NRXN3: variants seen among roughly 807,000 people sequenced by gnomAD.
NRXN3 encodes the protein neurexin III.
A neutral mutation model predicts 137.6 loss-of-function variants in NRXN3; 32 were observed. The observed-to-expected ratio is 0.23, with a 90% CI of 0.18 to 0.31. The LOEUF is 0.31. NRXN3 is among the 10% of genes least tolerant of loss of function. The pLI, the probability that NRXN3 is intolerant of heterozygous loss-of-function variation, is 1.00. For missense variants in NRXN3, 1,574 were observed against 2,062.5 expected, an observed-to-expected ratio of 0.76 and a Z score of 4.59; for synonymous variants, 798 against 784.5, an observed-to-expected ratio of 1.02 and a Z score of -0.29.
intron 4 of NRXN3, among the ~76,000 whole-genome samples, chr14:78,387,414 T>A (rs2090131241): frequency 6.6e-6 from 1 of 152,188 alleles, no homozygotes; most frequent in South Asian, 2.1e-4. Flanking sequence ...TGGGGTGACC[T>A]TAAATAAGTG....
At chr14:79,279,835 T>C in intron 15 of NRXN3, 11 of 996,638 alleles carry the variant, frequency 1.1e-5, no homozygotes, top group Non-Finnish European at 1.3e-5. Context: ...ACTCCTTGGA[T>C]GTTGGGATAA....
chr14:79,281,200 G>A (rs556155422), intron 15 of NRXN3, among the ~76,000 whole-genome samples: 2 of 152,302 alleles, frequency 1.3e-5, no homozygotes, highest in East Asian at 3.9e-4. Context: ...GAAGCAATAT[G>A]TAAGATAAGG....
chr14:79,537,878 C>T (rs2097228513), intron 16 of NRXN3, among the ~76,000 whole-genome samples: 1 of 152,172 alleles, frequency 6.6e-6, no homozygotes, highest in African/African-American at 2.4e-5. Context: ...CTGACTTCCA[C>T]AATGGTTGAA....
chr14:79,141,175 A>T (rs946840393), intron 15 of NRXN3, among the ~76,000 whole-genome samples: 3 of 152,174 alleles, frequency 2.0e-5, no homozygotes, highest in African/African-American at 7.2e-5. Flanking sequence ...ATGATATGAC[A>T]ACACAGCTCA....
At chr14:79,026,493 A>G (rs2099598232) in intron 15 of NRXN3, among the ~76,000 whole-genome samples, 1 of 152,116 alleles carries the variant, frequency 6.6e-6, no homozygotes, top group Admixed American at 6.5e-5. Flanking sequence ...AGAAAATCCT[A>G]AAAACAATAA....
chr14:79,663,985 G>T, intron 17 of NRXN3, 36 bp downstream of exon 17: 1 of 1,604,084 alleles, frequency 6.2e-7, no homozygotes, highest in South Asian at 1.1e-5. Context: ...TACTCTTTTT[G>T]ACTCTCCCAT....
Position 78,465,839 on chromosome 14 carries a change from AT to A in NRXN3, c.757+167986del, listed in dbSNP as rs1008710340. Among the ~76,000 whole-genome samples, 17 of 146,206 alleles carry A rather than the reference AT, an allele frequency of 1.2e-4. No homozygotes were observed. The South Asian group carries it at 1.7e-3, about 15-fold the overall frequency. On this transcript the variant is annotated intron_variant, in intron 4 of 20. Transcript: ENST00000335750. ...TGAGCCACCGCGCCCGGCCTAAGGT[AT>A]TTTTTTAAATTTTTATTTATTTATT...
intron 4 of NRXN3, among the ~76,000 whole-genome samples, chr14:78,346,571 CACACAGAGA>C (rs1306490803): frequency 6.6e-6 from 1 of 152,190 alleles, no homozygotes; most frequent in Non-Finnish European, 1.5e-5. Context: ...GGCTTACATT[CACACAGAGA>C]ACACAATACA....
At chr14:78,616,846 A>G (rs941914417) in intron 4 of NRXN3, among the ~76,000 whole-genome samples, 5 of 152,226 alleles carry the variant, frequency 3.3e-5, no homozygotes, top group Admixed American at 2.6e-4. Flanking sequence ...GGGCTCAATA[A>G]ATGTTTGAAT....
chr14:79,337,297 A>G (rs1051779877), intron 15 of NRXN3, among the ~76,000 whole-genome samples: 1 of 152,224 alleles, frequency 6.6e-6, no homozygotes, highest in Non-Finnish European at 1.5e-5. Context: ...AACATGGCAG[A>G]GTTCTGACTA....
chr14:79,639,570 G>T (rs1355312891), intron 16 of NRXN3, among the ~76,000 whole-genome samples: 1 of 152,078 alleles, frequency 6.6e-6, no homozygotes, highest in Non-Finnish European at 1.5e-5. Context: ...TTCAGTGAAG[G>T]GTTGAAGGGA....
chr14:79,217,482 C>T (rs1456761468), intron 15 of NRXN3, among the ~76,000 whole-genome samples: 1 of 152,088 alleles, frequency 6.6e-6, no homozygotes, highest in Non-Finnish European at 1.5e-5. Flanking sequence ...TACATTTCAA[C>T]ATGAGATTTG....
intron 4 of NRXN3, among the ~76,000 whole-genome samples, chr14:78,342,167 A>G (rs990195493): frequency 2.0e-5 from 3 of 152,194 alleles, no homozygotes; most frequent in Non-Finnish European, 4.4e-5. Context: ...AGGGAGAGAG[A>G]TGTCACTGAG....
chr14:79,343,205 T>C (rs1051623210), intron 15 of NRXN3, among the ~76,000 whole-genome samples: 1 of 152,154 alleles, frequency 6.6e-6, no homozygotes, highest in African/African-American at 2.4e-5. Context: ...TCCTAAACCA[T>C]AATTGCTCAT....
At position 79,861,961 on chromosome 14, in the gene NRXN3, G is replaced by A; in HGVS notation, c.4713G>A (p.Val1571=). The A allele has an allele frequency of 4.3e-6, 7 of 1,610,174 alleles. No individual in the cohort carries two copies. The highest frequency in any genetic ancestry group is 5.9e-6 in the Non-Finnish European group (7 of 1,177,772). Residue 1571 remains valine (V), a synonymous_variant, in exon 21 of 21, where the codon GTG becomes GTA. Coordinates refer to ENST00000335750, the MANE Select transcript of NRXN3 (RefSeq NM_001330195.2). This position sits in a 1 kb window ranked among gnomAD's most constrained non-coding sequence, Gnocchi z 5.4. The stretch of plus-strand genomic sequence containing the variant: ...AAAACAAGGACAGGGAGTATTACGT[G>A]TAAACATGCGAACACTGCTCACACG... ...KQKNKDREYY[V]
chr14:78,295,559 A>C (rs1395440143), intron 3 of NRXN3, among the ~76,000 whole-genome samples: 2 of 152,116 alleles, frequency 1.3e-5, no homozygotes, highest in Non-Finnish European at 2.9e-5. Flanking sequence ...ATATGATTTA[A>C]TTTACCAAAA....
At chr14:79,406,226 C>T (rs992743866) in intron 15 of NRXN3, among the ~76,000 whole-genome samples, 1 of 151,784 alleles carries the variant, frequency 6.6e-6, no homozygotes, top group Non-Finnish European at 1.5e-5. Context: ...TCAAGATCAT[C>T]CTTTAGACAT....
chr14:79,450,381 T>A (rs758350333), intron 15 of NRXN3, among the ~76,000 whole-genome samples: 58 of 152,160 alleles, frequency 3.8e-4, no homozygotes, highest in Non-Finnish European at 6.9e-4. Flanking sequence ...TGACTACAGC[T>A]AATAATAATG....
chr14:79,864,063 A>G lies in NRXN3; in HGVS notation c.*2099A>G, dbSNP rs368309201. Reference sequence around the variant, plus strand: ...AAGAGATATCAAAGCACGATTTTAGATAACCTAAACGGCCCAGCCTATACG... The same window carrying G: ...AAGAGATATCAAAGCACGATTTTAGGTAACCTAAACGGCCCAGCCTATACG... On this transcript the variant is annotated 3_prime_UTR_variant, in exon 21 of 21. Transcript: ENST00000335750. 14 of 152,780 alleles carry G rather than the reference A, an allele frequency of 9.2e-5. 1 individual carries two copies. In the East Asian group the frequency reaches 1.2e-3, roughly 13 times the overall value. 9.5% of individuals were successfully genotyped at this position (152,780 alleles called of 1,614,324 possible). A position where few individuals can be genotyped will look rare whatever the true frequency, so the allele number is the denominator to read the frequency against.
Sources: gnomAD v4.1 joint callset for allele counts (sites outside exome capture counted in the v4.1 genomes callset) on GRCh38, gnomAD v4.1.1 for gene constraint, Gnocchi (gnomAD v3.1) non-coding constraint, MANE v1.5 for transcripts, NCBI Gene and HGNC (gene_info 2026-07-23, HGNC 2026-07-21) for gene names.